Variants in PCGF2 observed in about 807,000 individuals in gnomAD.
PCGF2 encodes the protein polycomb group ring finger 2.
A neutral mutation model predicts 36.1 loss-of-function variants in PCGF2; 8 were observed. That is an observed-to-expected ratio of 0.22 (90% CI 0.13 to 0.40). The LOEUF is 0.40. Ranked by LOEUF, PCGF2 falls within the 10% of genes least tolerant of loss-of-function variation. The pLI is 1.00. For missense variants in PCGF2, 436 were observed against 475.9 expected, an observed-to-expected ratio of 0.92 and a Z score of 0.78; for synonymous variants, 198 against 191.2, an observed-to-expected ratio of 1.04 and a Z score of -0.29.
At chr17:38,738,282 G>T in intron 9 of PCGF2, 71 bp downstream of exon 9, 1 of 1,302,318 alleles carries the variant, frequency 7.7e-7, no homozygotes, top group Non-Finnish European at 1.1e-6. Context: ...TCTGACCAAT[G>T]GCTGGGCTGC....
At chr17:38,735,755 G>A (rs968254951) in intron 10 of PCGF2, among the ~76,000 whole-genome samples, 155 bp from the exon 11 acceptor site, 3 of 152,188 alleles carry the variant, frequency 2.0e-5, no homozygotes, top group African/African-American at 4.8e-5. Context: ...GATACAGGGT[G>A]CATGAAGACC....
In PCGF2 at chr17:38,739,180, G is replaced by A. The variant is rs761441171; in HGVS notation, c.265+18C>T. The stretch of plus-strand genomic sequence containing the variant: ...GTTGGGAAATGGGGTCAGTGGAGGA[G>A]GAATGGAGTGCAGATACCTTTAAAA... On this transcript the variant is annotated intron_variant, in intron 5 of 10. Coordinates refer to ENST00000620225, the MANE Select transcript of PCGF2 (RefSeq NM_007144.3). The surrounding 1 kb of genome is among the most constrained non-coding windows in gnomAD (Gnocchi z 4.0). The A allele has an allele frequency of 6.2e-7, 1 of 1,613,988 alleles. No homozygotes were observed. Among genetic ancestry groups the A allele is most frequent in the Non-Finnish European group, 8.5e-7 (1 of 1,179,848 alleles).
At chr17:38,749,526 C>A (rs771209502), upstream of PCGF2, 17 of 431,166 alleles carry the variant, frequency 3.9e-5, no homozygotes, top group Middle Eastern at 3.3e-4. The surrounding 1 kb of genome is among the most constrained non-coding windows in gnomAD (Gnocchi z 6.5). Context: ...TTCCCTCATT[C>A]GTTATTCACG....
intron 2 of PCGF2, among the ~76,000 whole-genome samples, chr17:38,740,880 C>G (rs1907161482): frequency 6.6e-6 from 1 of 152,164 alleles, no homozygotes; most frequent in Non-Finnish European, 1.5e-5. Flanking sequence ...TCAGGGTGGG[C>G]TGGGGGTGTA....
At position 38,739,139 on chromosome 17, in the gene PCGF2, G is replaced by A. The variant is rs1906999680; in HGVS notation, c.266-21C>T. The stretch of plus-strand genomic sequence containing the variant: ...CTCATCTGGAAGAAGGCAGCAGGAT[G>A]AGGACAGGGCCATGGGTTGGGAAAT... On this transcript the variant is annotated intron_variant, in intron 5 of 10. Transcript: ENST00000620225. This position sits in a 1 kb window ranked among gnomAD's most constrained non-coding sequence, Gnocchi z 4.0. 2.5e-6 allele frequency: 4 copies of A among 1,614,130 alleles called. No homozygotes were observed. The highest frequency in any genetic ancestry group is 1.3e-5 in the African/African-American group (1 of 75,052).
Position 38,738,858 on chromosome 17 carries a change from G to A in PCGF2, c.320C>T (p.Pro107Leu). The A allele has an allele frequency of 6.2e-7, 1 of 1,613,164 alleles. No homozygotes were observed. The highest frequency in any genetic ancestry group is 8.5e-7 in the Non-Finnish European group (1 of 1,179,278). Residue 107 changes from proline to leucine, a missense_variant, in exon 7 of 11, where the codon CCC (proline) becomes CTC (leucine). By Grantham distance (98) the Pro-to-Leu change is moderately conservative. This residue lies in a region of PCGF2 where 189 missense variants were observed against 219.3 expected (regional missense o/e 0.86). Transcript: ENST00000620225. ...FYAAYPLTEV[P>L]NGSNEDRGEV... ...GCCGCGGTCCTCATTGGAGCCGTTGGGGACTGCAGAAGGAAAGAGCTCTCG... is the reference window on the plus strand; with the variant it reads ...GCCGCGGTCCTCATTGGAGCCGTTGAGGACTGCAGAAGGAAAGAGCTCTCG...
In PCGF2 at chr17:38,739,291, C is replaced by T. The variant is rs775149127; in HGVS notation, c.210-38G>A. On this transcript the variant is annotated intron_variant, in intron 4 of 10. Transcript: ENST00000620225. This position sits in a 1 kb window ranked among gnomAD's most constrained non-coding sequence, Gnocchi z 4.0. ...GGACAGGGCTTATCAGCAATGCCTT[C>T]TCCAGAGCGCTCCGACCTCGCCCTG... The T allele has an allele frequency of 1.9e-6, 3 of 1,580,646 alleles. No homozygotes were observed. Among genetic ancestry groups the T allele is most frequent in the South Asian group, 2.2e-5 (2 of 90,394 alleles).
chr17:38,736,685 T>A (rs1906771190), intron 9 of PCGF2, among the ~76,000 whole-genome samples: 1 of 151,478 alleles, frequency 6.6e-6, no homozygotes, highest in Non-Finnish European at 1.5e-5. Context: ...ATACAAAAAA[T>A]TAGCTGGGCG....
Position 38,738,840 on chromosome 17 carries a change from T to C in PCGF2, c.338A>G (p.Asp113Gly). The C allele has an allele frequency of 1.9e-6, 3 of 1,613,874 alleles. No individual in the cohort carries two copies. Among genetic ancestry groups the C allele is most frequent in the Non-Finnish European group, 2.5e-6 (3 of 1,179,850 alleles). The change falls in exon 7 of 11, where the codon GAC becomes GGC. Residue 113 changes from aspartate to glycine, a missense_variant. By Grantham distance (94) the Asp-to-Gly change is moderately conservative. Coordinates refer to ENST00000620225, the MANE Select transcript of PCGF2 (RefSeq NM_007144.3). The part of the protein sequence containing the change: ...LTEVPNGSNE[D>G]RGEVLEQEKG... Reference sequence around the variant, plus strand: ...CTCCTGCTCCAAGACCTCGCCGCGGTCCTCATTGGAGCCGTTGGGGACTGC... The same window carrying C: ...CTCCTGCTCCAAGACCTCGCCGCGGCCCTCATTGGAGCCGTTGGGGACTGC...
At chr17:38,744,603 G>A (rs928241657) in intron 2 of PCGF2, among the ~76,000 whole-genome samples, 1 of 152,128 alleles carries the variant, frequency 6.6e-6, no homozygotes, top group Non-Finnish European at 1.5e-5. Context: ...TGATCTGCCC[G>A]CCTCGGCCTC....
chr17:38,737,456 A>C (rs1051353462), intron 9 of PCGF2, among the ~76,000 whole-genome samples: 1 of 152,108 alleles, frequency 6.6e-6, no homozygotes, highest in Non-Finnish European at 1.5e-5. Context: ...AAGGGGAAAC[A>C]AAAAAAGCAA....
At chr17:38,738,216 T>C (rs1906911329) in intron 9 of PCGF2, 137 bp downstream of exon 9, 2 of 718,118 alleles carry the variant, frequency 2.8e-6, no homozygotes, top group Non-Finnish European at 4.9e-6. Context: ...CAACCACCCT[T>C]CTGTTAACGC....
At chr17:38,738,989 G>C in intron 6 of PCGF2, 79 bp downstream of exon 6, 1 of 1,566,252 alleles carries the variant, frequency 6.4e-7, no homozygotes, top group Non-Finnish European at 8.8e-7. Flanking sequence ...GAGGAGGTCA[G>C]AGGGTGAGGG....
rs1056335692 is a variant in PCGF2 at position 38,745,982 on chromosome 17, C to T, written c.-41+1897G>A. ...TATGACTCTGTTCCTCTCCCAGCTT[C>T]GTGGGTCCAACTGCGCAAGCCCCTT... On this transcript the variant is annotated intron_variant, in intron 2 of 10. Coordinates refer to ENST00000620225, the MANE Select transcript of PCGF2 (RefSeq NM_007144.3). Among the ~76,000 whole-genome samples, 6 of 152,274 alleles carry T rather than the reference C, an allele frequency of 3.9e-5. No homozygotes were observed. In the East Asian group the frequency reaches 5.8e-4, roughly 15 times the overall value.
In PCGF2 at chr17:38,748,207, G is replaced by C. The variant is rs1267903098; in HGVS notation, c.-145C>G. The C allele has an allele frequency of 7.0e-6, 1 of 142,436 alleles. No individual in the cohort carries two copies. The highest frequency in any genetic ancestry group is 2.6e-5 in the African/African-American group (1 of 38,018). 8.8% of individuals were successfully genotyped at this position (142,436 alleles called of 1,614,324 possible). ...TCCGCTCCGCTTACCTGGGTTCGGG[G>C]TCCGGTGGGTCTCGGGGAGGGGGGG... On this transcript the variant is annotated 5_prime_UTR_variant, in exon 1 of 11. Coordinates refer to ENST00000620225, the MANE Select transcript of PCGF2 (RefSeq NM_007144.3).
chr17:38,739,556 CG>C lies in PCGF2; in HGVS notation c.209+29del. Reference sequence around the variant, plus strand: ...TGGGGGAGGCTGACCCAGAGGATCGCGGGGACAGGAGGTGCCGTGCCAAGCC... The same window carrying C: ...TGGGGGAGGCTGACCCAGAGGATCGCGGGACAGGAGGTGCCGTGCCAAGCC... On this transcript the variant is annotated intron_variant, in intron 4 of 10. Coordinates refer to ENST00000620225, the MANE Select transcript of PCGF2 (RefSeq NM_007144.3). This position sits in a 1 kb window ranked among gnomAD's most constrained non-coding sequence, Gnocchi z 4.0. The C allele has an allele frequency of 6.5e-7, 1 of 1,530,326 alleles. No individual in the cohort carries two copies. Among genetic ancestry groups the C allele is most frequent in the Non-Finnish European group, 9.1e-7 (1 of 1,103,678 alleles). 94.8% of individuals were successfully genotyped at this position (1,530,326 alleles called of 1,614,324 possible).
chr17:38,736,529 G>A (rs1243061209), intron 9 of PCGF2, among the ~76,000 whole-genome samples: 1 of 152,008 alleles, frequency 6.6e-6, no homozygotes, highest in Non-Finnish European at 1.5e-5. Context: ...GAATCACCCA[G>A]GGAGCTTTAA....
chr17:38,738,493 ACTCC>A, intron 8 of PCGF2, 44 bp downstream of exon 8: 2 of 1,611,958 alleles, frequency 1.2e-6, no homozygotes, highest in Non-Finnish European at 1.7e-6. Context: ...ACCCCAGGCC[ACTCC>A]CTCCCAGCCC....
At position 38,742,983 on chromosome 17, in the gene PCGF2, T is replaced by G. The variant is rs146281327; in HGVS notation, c.-40-2541A>C. Among the ~76,000 whole-genome samples, 44 of 152,250 alleles carry G rather than the reference T, an allele frequency of 2.9e-4. No individual in the cohort carries two copies. In the Middle Eastern group the frequency reaches 0.01, roughly 35 times the overall value. On this transcript the variant is annotated intron_variant, in intron 2 of 10. Transcript: ENST00000620225. ...CTCATCTATCTCCCGTTCACCCTCA[T>G]ATACACATGCACGCGTACACACACA...
Sources: gnomAD v4.1 joint callset for allele counts (sites outside exome capture counted in the v4.1 genomes callset) on GRCh38, gnomAD v4.1.1 for gene constraint, gnomAD v4.1.1 regional missense constraint, Gnocchi (gnomAD v3.1) non-coding constraint, MANE v1.5 for transcripts, NCBI Gene and HGNC (gene_info 2026-07-23, HGNC 2026-07-21) for gene names.